The following CLHC1 variants were observed in gnomAD, a reference collection of about 807,000 sequenced individuals.
The protein encoded by CLHC1 is clathrin heavy chain linker domain containing 1.
In CLHC1, 72 loss-of-function variants were observed where a neutral mutation model predicts 69.5. The ratio of observed to expected loss-of-function variants is 1.04; its 90% CI spans 0.86 to 1.26. The LOEUF (loss-of-function observed/expected upper bound fraction) is 1.26, where lower values mean the gene tolerates loss of function less well. CLHC1 is among the 50% of genes most tolerant of loss of function. The pLI is 0.00. For synonymous variants in CLHC1, 223 were observed against 224.3 expected, an observed-to-expected ratio of 0.99 and a Z score of 0.05; for missense variants, 790 against 679.3, an observed-to-expected ratio of 1.16 and a Z score of -1.81.
intron 8 of CLHC1, 33 bp from the exon 9 acceptor site, chr2:55,206,409 T>G (rs759227643): frequency 8.3e-7 from 1 of 1,201,408 alleles, no homozygotes; most frequent in Non-Finnish European, 1.2e-6. Flanking sequence ...TGCATTATAA[T>G]GACACAAAGA....
chr2:55,223,133 G>T (rs1000439078), intron 2 of CLHC1, among the ~76,000 whole-genome samples: 1 of 151,884 alleles, frequency 6.6e-6, no homozygotes, highest in African/African-American at 2.4e-5. Flanking sequence ...GTGTCATGTG[G>T]GAAAACTAAT....
At chr2:55,230,522 C>T (rs1675196057) in intron 1 of CLHC1, among the ~76,000 whole-genome samples, 1 of 152,132 alleles carries the variant, frequency 6.6e-6, no homozygotes, top group Non-Finnish European at 1.5e-5. Flanking sequence ...TATGATGATA[C>T]TTTAAAAGTT....
intron 5 of CLHC1, among the ~76,000 whole-genome samples, chr2:55,211,357 C>T (rs1558498222): frequency 6.6e-6 from 1 of 151,864 alleles, no homozygotes; most frequent in Non-Finnish European, 1.5e-5. Flanking sequence ...AAAAAATTAG[C>T]CGGGCGTGGT....
At chr2:55,184,631 G>T (rs1480220395) in intron 9 of CLHC1, among the ~76,000 whole-genome samples, 1 of 151,986 alleles carries the variant, frequency 6.6e-6, no homozygotes, top group Non-Finnish European at 1.5e-5. Context: ...CTTAGGCCAG[G>T]CGCGGTGGCT....
rs764912516 is a variant in CLHC1, at chr2:55,177,684, A to T, written c.1482T>A (p.Gly494=). The change falls in exon 12 of 13, where the codon GGT becomes GGA. Residue 494 remains glycine, a synonymous_variant. Transcript: ENST00000401408. The part of the protein sequence containing the change: ...LNEKQPSLSF[G]LAILHLFSAD... The stretch of plus-strand genomic sequence containing the variant: ...CAGAGAACAGATGAAGTATAGCAAG[A>T]CCAAAAGATAAAGATGGTTGTTTCT... The T allele has an allele frequency of 1.9e-6, 3 of 1,613,390 alleles. No individual in the cohort carries two copies. Among genetic ancestry groups the T allele is most frequent in the Middle Eastern group, 3.3e-4 (2 of 6,050 alleles).
chr2:55,229,981 G>A (rs949270042), intron 1 of CLHC1, among the ~76,000 whole-genome samples: 2 of 152,342 alleles, frequency 1.3e-5, no homozygotes, highest in East Asian at 1.9e-4. Context: ...GCTGAGGCAG[G>A]AGAATCACCT....
chr2:55,209,672 C>T lies in CLHC1; in HGVS notation c.659G>A (p.Arg220Gln), dbSNP rs775379044. ...GTTCAGATTTTCAGCTACATCTCGCCGTTTTAATAACACAATCATTTCTTC... is the reference window on the plus strand; with the variant it reads ...GTTCAGATTTTCAGCTACATCTCGCTGTTTTAATAACACAATCATTTCTTC... Reference protein sequence around the residue: ...LDEEMIVLLKRRDVAENLNKK... With the variant: ...LDEEMIVLLKQRDVAENLNKK... The change falls in exon 6 of 13, where the codon CGG becomes CAG. Residue 220 changes from arginine (R) to glutamine (Q), a missense_variant. Arg to Gln is a conservative substitution (Grantham distance 43). Coordinates refer to ENST00000401408, the MANE Select transcript of CLHC1 (RefSeq NM_152385.4). 2.1e-5 allele frequency: 34 copies of T among 1,613,978 alleles called. No individual in the cohort carries two copies. Among genetic ancestry groups the T allele is most frequent in the South Asian group, 3.3e-5 (3 of 91,072 alleles).
chr2:55,209,841 A>C lies in CLHC1; in HGVS notation c.500-10T>G. The C allele has an allele frequency of 6.3e-7, 1 of 1,579,616 alleles. No homozygotes were observed. Among genetic ancestry groups the C allele is most frequent in the Non-Finnish European group, 8.7e-7 (1 of 1,153,480 alleles). ...TCTTGAAGAGTCATGCCTATGGGGA[A>C]AGGGAACAAATCAAACACGACAAGC... On this transcript the variant is annotated splice_polypyrimidine_tract_variant and intron_variant, in intron 5 of 12. Transcript: ENST00000401408.
At position 55,191,807 on chromosome 2, in the gene CLHC1, A is replaced by G. The variant is rs183416578; in HGVS notation, c.1007-10063T>C. Among the ~76,000 whole-genome samples, 498 of 152,188 alleles carry G rather than the reference A, an allele frequency of 3.3e-3. 4 individuals carry two copies. The highest frequency in any genetic ancestry group is 0.011 in the African/African-American group (472 of 41,506). On this transcript the variant is annotated intron_variant, in intron 9 of 12. Coordinates refer to ENST00000401408, the MANE Select transcript of CLHC1 (RefSeq NM_152385.4). The stretch of plus-strand genomic sequence containing the variant: ...AAGTAGAAAAAAGGTTTCAAAAAAA[A>G]AGAAGAGATAAGAGAAATGGAAACA...
At chr2:55,212,069 G>T (rs1309207582) in intron 5 of CLHC1, among the ~76,000 whole-genome samples, 2 of 152,194 alleles carry the variant, frequency 1.3e-5, no homozygotes, top group Non-Finnish European at 2.9e-5. Flanking sequence ...TTGAGCCCAG[G>T]AGTTTGAGAC....
At chr2:55,201,233 A>G (rs1393659022) in intron 9 of CLHC1, among the ~76,000 whole-genome samples, 1 of 150,910 alleles carries the variant, frequency 6.6e-6, no homozygotes, top group East Asian at 1.9e-4. Flanking sequence ...ATAAAAATCA[A>G]TGAAGAGTTT....
chr2:55,179,106 T>C lies in CLHC1; in HGVS notation c.1385-1325A>G, dbSNP rs891297299. Reference sequence around the variant, plus strand: ...TAAAATTTTTAAATTCTAAGAGTAATTAAAATCTATATCCCATGTCTAAAC... The same window carrying C: ...TAAAATTTTTAAATTCTAAGAGTAACTAAAATCTATATCCCATGTCTAAAC... On this transcript the variant is annotated intron_variant, in intron 11 of 12. Coordinates refer to ENST00000401408, the MANE Select transcript of CLHC1 (RefSeq NM_152385.4). 5.3e-5 allele frequency among the ~76,000 whole-genome samples: 8 copies of C among 152,028 alleles called. No individual in the cohort carries two copies. The Middle Eastern group carries it at 0.01, about 195-fold the overall frequency.
At chr2:55,216,927 C>T (rs1033259153) in intron 4 of CLHC1, among the ~76,000 whole-genome samples, 5 of 152,102 alleles carry the variant, frequency 3.3e-5, no homozygotes, top group Non-Finnish European at 5.9e-5. Flanking sequence ...GCATGCAGAT[C>T]GCTTGAGCTC....
At chr2:55,185,680 A>C (rs908511587) in intron 9 of CLHC1, among the ~76,000 whole-genome samples, 17 of 152,256 alleles carry the variant, frequency 1.1e-4, no homozygotes, top group Non-Finnish European at 1.6e-4. Context: ...CTGGCTCCAC[A>C]CTTGTCTGCC....
intron 9 of CLHC1, among the ~76,000 whole-genome samples, chr2:55,194,873 G>A (rs920769417): frequency 4.0e-5 from 6 of 151,844 alleles, no homozygotes; most frequent in Non-Finnish European, 8.8e-5. Flanking sequence ...GTGTGTTTGT[G>A]CATGTGTATT....
Position 55,174,058 on chromosome 2 carries a change from C to G in CLHC1, c.*1732G>C, listed in dbSNP as rs1669175919. ...TTTAAGCCGTTGGCACACAAAGAAC[C>G]AGTGCTGCCGAAATACCTCTCCCTT... On this transcript the variant is annotated 3_prime_UTR_variant, in exon 13 of 13. Coordinates refer to ENST00000401408, the MANE Select transcript of CLHC1 (RefSeq NM_152385.4). Among the ~76,000 whole-genome samples, 2 of 150,630 alleles carry G rather than the reference C, an allele frequency of 1.3e-5. No individual in the cohort carries two copies. Among genetic ancestry groups the G allele is most frequent in the East Asian group, 3.9e-4 (2 of 5,138 alleles).
intron 9 of CLHC1, among the ~76,000 whole-genome samples, chr2:55,181,979 G>T (rs912140463): frequency 2.0e-5 from 3 of 152,064 alleles, no homozygotes; most frequent in Non-Finnish European, 2.9e-5. Flanking sequence ...GCCAAGGGAG[G>T]CTAAAAATCG....
chr2:55,228,307 A>C (rs1674914344), intron 1 of CLHC1, 103 bp from the exon 2 acceptor site: 1 of 152,270 alleles, frequency 6.6e-6, no homozygotes, highest in African/African-American at 2.4e-5. Context: ...GCAGAGCAGT[A>C]CTCAAACATA....
chr2:55,202,827 A>C (rs978325653), intron 9 of CLHC1, among the ~76,000 whole-genome samples: 2 of 147,812 alleles, frequency 1.4e-5, no homozygotes, highest in African/African-American at 5.0e-5. Flanking sequence ...TGAACCTGGG[A>C]GGCAGAGGTT....
Sources: allele counts gnomAD v4.1 joint callset (sites outside exome capture counted in the v4.1 genomes callset), GRCh38; gene constraint gnomAD v4.1.1; transcripts MANE v1.5; gene names NCBI Gene and HGNC (gene_info 2026-07-23, HGNC 2026-07-21).